The following TENM4 variants were observed in gnomAD, a reference collection of about 807,000 sequenced individuals.
The protein encoded by TENM4 is teneurin-4.
A neutral mutation model predicts 243.3 loss-of-function variants in TENM4; 82 were observed. The ratio of observed to expected loss-of-function variants is 0.34; its 90% CI spans 0.28 to 0.40. TENM4 has a LOEUF of 0.40. TENM4 is among the 10% of genes least tolerant of loss of function. TENM4 has a pLI of 1.00. For missense variants in TENM4, 3,138 were observed against 3,673.3 expected, an observed-to-expected ratio of 0.85 and a Z score of 3.77; for synonymous variants, 1,412 against 1,456.3, an observed-to-expected ratio of 0.97 and a Z score of 0.69.
chr11:78,865,287 C>G (rs937325456), intron 9 of TENM4, among the ~76,000 whole-genome samples: 1 of 152,202 alleles, frequency 6.6e-6, no homozygotes, highest in Non-Finnish European at 1.5e-5. Context: ...CTAATTAACA[C>G]ACGCAAGGTT....
At chr11:79,259,721 A>G (rs920993919) in intron 2 of TENM4, among the ~76,000 whole-genome samples, 7 of 151,608 alleles carry the variant, frequency 4.6e-5, no homozygotes, top group African/African-American at 1.7e-4. Context: ...CCATCCATCC[A>G]TCCCTATACC....
chr11:79,371,772 C>A (rs567512154), intron 1 of TENM4, among the ~76,000 whole-genome samples: 1 of 152,162 alleles, frequency 6.6e-6, no homozygotes, highest in African/African-American at 2.4e-5. Context: ...AGTCAAGAAA[C>A]CCCCTGGGGA....
At chr11:78,770,917 C>T in intron 18 of TENM4, 75 bp downstream of exon 18, 1 of 1,524,008 alleles carries the variant, frequency 6.6e-7, no homozygotes, top group Non-Finnish European at 8.8e-7. Flanking sequence ...CCTGTTAGCT[C>T]AGTAATATCC....
chr11:79,202,031 G>A (rs1863748316), intron 3 of TENM4, among the ~76,000 whole-genome samples: 1 of 152,142 alleles, frequency 6.6e-6, no homozygotes, highest in South Asian at 2.1e-4. Context: ...CAGAACCAGG[G>A]TGGCACCCAA....
intron 9 of TENM4, among the ~76,000 whole-genome samples, chr11:78,877,034 T>C (rs1033506582): frequency 3.3e-5 from 5 of 152,204 alleles, no homozygotes; most frequent in African/African-American, 4.8e-5. Flanking sequence ...ATTTTACCAA[T>C]GAGGAAACCA....
At chr11:78,829,257 T>C (rs1244442107) in intron 12 of TENM4, among the ~76,000 whole-genome samples, 1 of 152,184 alleles carries the variant, frequency 6.6e-6, no homozygotes, top group Non-Finnish European at 1.5e-5. Flanking sequence ...GTCTCTGGCA[T>C]GTTTTGACTT....
At chr11:79,425,796 A>G (rs184569424) in intron 1 of TENM4, among the ~76,000 whole-genome samples, 62 of 152,332 alleles carry the variant, frequency 4.1e-4, no homozygotes, top group Non-Finnish European at 6.8e-4. Context: ...TCTGGGGTCC[A>G]CTTCTGAACA....
intron 3 of TENM4, among the ~76,000 whole-genome samples, chr11:79,159,069 G>A (rs561783645): frequency 6.6e-6 from 1 of 152,286 alleles, no homozygotes; most frequent in Non-Finnish European, 1.5e-5. Context: ...GAAACAATGA[G>A]CCCCTCTGTA....
intron 6 of TENM4, among the ~76,000 whole-genome samples, chr11:79,056,004 T>C (rs537146158): frequency 6.6e-6 from 1 of 152,314 alleles, no homozygotes; most frequent in South Asian, 2.1e-4. Context: ...TAGGCTCCCA[T>C]AGGCAGGAAG....
At chr11:78,950,664 T>C (rs539562076) in intron 6 of TENM4, among the ~76,000 whole-genome samples, 1 of 152,354 alleles carries the variant, frequency 6.6e-6, no homozygotes, top group East Asian at 1.9e-4. Context: ...TTATTAAGAC[T>C]GTACGATAAC....
intron 2 of TENM4, among the ~76,000 whole-genome samples, chr11:79,296,353 T>C (rs1309822289): frequency 1.3e-5 from 2 of 152,184 alleles, no homozygotes; most frequent in African/African-American, 4.8e-5. Context: ...CTTCCACCCA[T>C]GGTGAATTCT....
intron 11 of TENM4, 144 bp from the exon 12 acceptor site, chr11:78,854,458 G>C: frequency 1.5e-6 from 1 of 649,070 alleles, no homozygotes; most frequent in Non-Finnish European, 2.3e-6. Context: ...CAGGAAGGTT[G>C]ATCAATCAAC....
At chr11:79,051,958 C>T (rs561259725) in intron 6 of TENM4, among the ~76,000 whole-genome samples, 26 of 152,274 alleles carry the variant, frequency 1.7e-4, no homozygotes, top group East Asian at 1.2e-3. Flanking sequence ...GATCTTGTTC[C>T]TTTTTATGGC....
At chr11:78,991,183 A>T (rs186048418) in intron 6 of TENM4, among the ~76,000 whole-genome samples, 20 of 152,324 alleles carry the variant, frequency 1.3e-4, no homozygotes, top group Admixed American at 2.6e-4. Context: ...TGAGAATGCT[A>T]AGACTGTCCT....
chr11:79,131,835 G>A (rs1862008795), intron 4 of TENM4, among the ~76,000 whole-genome samples: 2 of 152,106 alleles, frequency 1.3e-5, no homozygotes, highest in Non-Finnish European at 2.9e-5. Context: ...AAGTAAAGGG[G>A]TGGGAAAAGG....
intron 1 of TENM4, among the ~76,000 whole-genome samples, chr11:79,346,399 C>T (rs1345946896): frequency 2.0e-5 from 3 of 152,102 alleles, no homozygotes; most frequent in Non-Finnish European, 2.9e-5. Context: ...AGATGCTTAT[C>T]ATGCTGTCTG....
intron 1 of TENM4, among the ~76,000 whole-genome samples, chr11:79,315,827 A>G (rs980426215): frequency 1.3e-5 from 2 of 152,248 alleles, no homozygotes; most frequent in African/African-American, 4.8e-5. Context: ...ATGAAATAAA[A>G]TGAAATGCAA....
intron 13 of TENM4, 55 bp from the exon 14 acceptor site, chr11:78,812,371 G>A: frequency 1.3e-6 from 2 of 1,524,808 alleles, no homozygotes; most frequent in Non-Finnish European, 1.8e-6. Context: ...CACCCCAACT[G>A]CCTTTGTCTC....
chr11:79,208,082 G>T (rs1030940553), intron 3 of TENM4, among the ~76,000 whole-genome samples: 4 of 151,892 alleles, frequency 2.6e-5, no homozygotes, highest in African/African-American at 7.3e-5. Flanking sequence ...TTAACATCCT[G>T]GAATTCTTGC....
Sources: allele counts gnomAD v4.1 joint callset (sites outside exome capture counted in the v4.1 genomes callset), GRCh38; gene constraint gnomAD v4.1.1; transcripts MANE v1.5; gene names NCBI Gene and HGNC (gene_info 2026-07-23, HGNC 2026-07-21).